Variants in TLK2 observed in about 807,000 individuals in gnomAD.
TLK2 encodes the protein serine/threonine-protein kinase tousled-like 2.
In TLK2, 6 loss-of-function variants were observed where a neutral mutation model predicts 117.3. The ratio of observed to expected loss-of-function variants is 0.05; its 90% CI spans 0.03 to 0.10. TLK2 has a LOEUF of 0.10. Ranked by LOEUF, TLK2 falls within the 10% of genes least tolerant of loss-of-function variation. TLK2 has a pLI of 1.00. For missense variants in TLK2, 299 were observed against 901.2 expected (o/e 0.33, Z 8.56); for synonymous variants, 257 against 316.7 (o/e 0.81, Z 2.00).
chr17:62,527,584 G>A (rs567609178), intron 6 of TLK2, among the ~76,000 whole-genome samples: 1 of 152,036 alleles, frequency 6.6e-6, no homozygotes, highest in South Asian at 2.1e-4. Context: ...CTTGTGTCTA[G>A]CTCCTTTTGT....
At chr17:62,507,087 T>G (rs1235709406) in intron 2 of TLK2, among the ~76,000 whole-genome samples, 2 of 152,156 alleles carry the variant, frequency 1.3e-5, no homozygotes, top group Non-Finnish European at 1.5e-5. Flanking sequence ...ACACATTTAT[T>G]TACAGTGTTT....
chr17:62,504,858 T>G (rs2074531129), intron 2 of TLK2, among the ~76,000 whole-genome samples: 1 of 152,142 alleles, frequency 6.6e-6, no homozygotes. Context: ...TATTATTTAT[T>G]TATTTATTAC....
chr17:62,611,905 A>ACAC (rs2083806212), intron 21 of TLK2: 1 of 152,300 alleles, frequency 6.6e-6, no homozygotes, highest in East Asian at 1.9e-4. Flanking sequence ...ATAGGGAAAT[A>ACAC]ATTTTATAAC....
intron 5 of TLK2, 39 bp downstream of exon 5, chr17:62,523,216 A>C (rs777616983): frequency 1.1e-5 from 18 of 1,590,360 alleles, no homozygotes; most frequent in African/African-American, 2.7e-5. Context: ...AAACAAAACA[A>C]AACAAAAAAA....
intron 20 of TLK2, among the ~76,000 whole-genome samples, chr17:62,607,118 C>T (rs1333520163): frequency 6.6e-6 from 1 of 150,440 alleles, no homozygotes. Flanking sequence ...GAATTGCTGC[C>T]GATAACAGCA....
rs1265598419 is a variant in TLK2, at chr17:62,613,429, G to A, written c.*864G>A. ...TTCTTCACAATTTGAACACTTGACG[G>A]TTGTCCCTTTTAATTTATTTGAAGT... is the stretch of plus-strand genomic sequence containing the variant. On this transcript the variant is annotated 3_prime_UTR_variant, in exon 22 of 22. Transcript: ENST00000346027. 6.6e-6 allele frequency: 1 copy of A among 152,600 alleles called. No individual in the cohort carries two copies. Among genetic ancestry groups the A allele is most frequent in the Non-Finnish European group, 1.5e-5 (1 of 68,046 alleles). 9.5% of individuals were successfully genotyped at this position (152,600 alleles called of 1,614,324 possible).
intron 2 of TLK2, among the ~76,000 whole-genome samples, chr17:62,515,950 A>T (rs953968409): frequency 1.3e-5 from 2 of 151,832 alleles, no homozygotes; most frequent in African/African-American, 4.8e-5. Context: ...TTTTTTTGAG[A>T]TGGAGTCTCT....
chr17:62,570,533 C>T (rs2080199416), intron 11 of TLK2, among the ~76,000 whole-genome samples: 1 of 152,206 alleles, frequency 6.6e-6, no homozygotes, highest in African/African-American at 2.4e-5. Flanking sequence ...CTTTGTACTC[C>T]CAAAATAAAT....
chr17:62,549,871 T>C (rs1232811828), intron 7 of TLK2: 4 of 150,362 alleles, frequency 2.7e-5, no homozygotes, highest in Non-Finnish European at 5.9e-5. Flanking sequence ...GATTTCACCA[T>C]GTTGGCCAGG....
intron 2 of TLK2, among the ~76,000 whole-genome samples, chr17:62,495,169 A>G (rs1383815048): frequency 6.6e-6 from 1 of 151,460 alleles, no homozygotes; most frequent in Non-Finnish European, 1.5e-5. Context: ...CCTATCTCCA[A>G]AAAAAAAGGA....
At chr17:62,513,045 AC>A (rs2145304773) in intron 2 of TLK2, among the ~76,000 whole-genome samples, 1 of 150,946 alleles carries the variant, frequency 6.6e-6, no homozygotes, top group South Asian at 2.1e-4. Context: ...TGCCCAGCTA[AC>A]TTTTTGTATT....
chr17:62,503,024 A>G (rs920893039), intron 2 of TLK2, among the ~76,000 whole-genome samples: 4 of 150,610 alleles, frequency 2.7e-5, no homozygotes, highest in Non-Finnish European at 3.0e-5. Context: ...AAATAAATGT[A>G]GGACCTCAGT....
chr17:62,583,073 G>T (rs1172716667), intron 15 of TLK2, among the ~76,000 whole-genome samples: 1 of 151,960 alleles, frequency 6.6e-6, no homozygotes, highest in African/African-American at 2.4e-5. Context: ...GTATAGTGCT[G>T]TTGTTTTTGT....
At chr17:62,527,661 T>C (rs895288404) in intron 6 of TLK2, among the ~76,000 whole-genome samples, 6 of 152,112 alleles carry the variant, frequency 3.9e-5, no homozygotes, top group Non-Finnish European at 7.4e-5. Flanking sequence ...TTTTCATTGG[T>C]GTGTTATAAG....
At chr17:62,594,006 T>C (rs1035596346) in intron 16 of TLK2, among the ~76,000 whole-genome samples, 4 of 151,678 alleles carry the variant, frequency 2.6e-5, no homozygotes, top group African/African-American at 9.7e-5. Context: ...GTGGCCAGGC[T>C]GGCCTCAAAC....
chr17:62,541,130 G>T (rs940471922), intron 7 of TLK2, among the ~76,000 whole-genome samples: 2 of 152,024 alleles, frequency 1.3e-5, no homozygotes, highest in African/African-American at 4.8e-5. Flanking sequence ...TATTAGAGAG[G>T]CCTACCCTGG....
intron 12 of TLK2, chr17:62,574,421 C>T (rs139907379): frequency 0.012 from 13,911 of 1,170,244 alleles, 125 homozygotes; most frequent in Non-Finnish European, 0.013. Context: ...GTGAGATGAA[C>T]AGACGAATAA....
chr17:62,610,506 G>C (rs757801321), intron 21 of TLK2, among the ~76,000 whole-genome samples: 5 of 152,244 alleles, frequency 3.3e-5, no homozygotes, highest in Non-Finnish European at 5.9e-5. Flanking sequence ...ATAAATCAGA[G>C]TAGGGGGATG....
At chr17:62,555,477 T>G (rs956867671) in intron 9 of TLK2, among the ~76,000 whole-genome samples, 11 of 151,458 alleles carry the variant, frequency 7.3e-5, no homozygotes, top group Admixed American at 2.6e-4. Context: ...GTTTATATTA[T>G]TATTAATTTT....
Sources: gnomAD v4.1 joint callset for allele counts (sites outside exome capture counted in the v4.1 genomes callset) on GRCh38, gnomAD v4.1.1 for gene constraint, MANE v1.5 for transcripts, NCBI Gene and HGNC (gene_info 2026-07-23, HGNC 2026-07-21) for gene names.